EME2: variants seen among roughly 807,000 people sequenced by gnomAD.
EME2 encodes the protein structure-specific endonuclease subunit EME2.
In EME2, 58 loss-of-function variants were observed where a neutral mutation model predicts 41.9. That is an observed-to-expected ratio of 1.38 (90% CI 1.12 to 1.72). The LOEUF (loss-of-function observed/expected upper bound fraction) is 1.72. Among genes scored for constraint, EME2 ranks in the 40% most tolerant of loss-of-function variants. The probability of loss-of-function intolerance (pLI) is 0.00; values close to 1 mark genes in which losing one functional copy is unlikely to be tolerated. For missense variants in EME2, 695 were observed against 541.9 expected (o/e 1.28, Z -2.81); for synonymous variants, 334 against 239.3 (o/e 1.40, Z -3.65).
Position 1,779,026 on chromosome 16 carries a change from G to C in EME2, c.*2788G>C, listed in dbSNP as rs1019311677. On this transcript the variant is annotated 3_prime_UTR_variant, in exon 8 of 8. Transcript: ENST00000568449. ...GCTGCAGCCACCCGGCCTCAGGGCA[G>C]TCCCCACCACACTGTGGCCCAACGA... 5.7e-6 allele frequency: 1 copy of C among 176,748 alleles called. No individual in the cohort carries two copies. The highest frequency in any genetic ancestry group is 1.6e-4 in the East Asian group (1 of 6,150). The allele number at this position is 176,748 out of a possible 1,614,324, so 10.9% of individuals were successfully genotyped here. A position where few individuals can be genotyped will look rare whatever the true frequency, so the allele number is the denominator to read the frequency against.
intron 3 of EME2, 182 bp from the exon 4 acceptor site, chr16:1,774,859 C>T (rs1423969818): frequency 3.0e-6 from 2 of 664,918 alleles, no homozygotes; most frequent in Admixed American, 2.4e-5. Flanking sequence ...TCCTTAGCCT[C>T]TTTGGCCTCG....
At chr16:1,774,729 G>A (rs147109382) in intron 3 of EME2, among the ~76,000 whole-genome samples, 2 of 152,356 alleles carry the variant, frequency 1.3e-5, no homozygotes, top group Non-Finnish European at 2.9e-5. Context: ...CTGTGTCCCA[G>A]GATCAGTGTC....
rs761584229 is a variant in EME2, at chr16:1,777,108, G to A, written c.*870G>A. 1.5e-5 allele frequency: 24 copies of A among 1,611,166 alleles called. No individual in the cohort carries two copies. The highest frequency in any genetic ancestry group is 2.2e-5 in the East Asian group (1 of 44,868). ...CACTGGGAAGTCAGTCAGGTCCGGC[G>A]GCAGCGCTTCCTCTGGCAGGGCCGA... On this transcript the variant is annotated 3_prime_UTR_variant, in exon 8 of 8. Transcript: ENST00000568449.
rs534005461 is a variant in EME2 at position 1,776,103 on chromosome 16, G to A, written c.1005G>A (p.Met335Ile). ...LEACSTERER[M>I]GLLADLPVPP... is the part of the protein sequence containing the mutation. The stretch of plus-strand genomic sequence containing the variant: ...CCTGCAGCACGGAGCGGGAGCGCAT[G>A]GGCCTCCTGGCCGACCTTCCTGTGC... Residue 335 changes from methionine to isoleucine, a missense_variant, in exon 8 of 8, where the codon ATG (methionine) becomes ATA (isoleucine). By Grantham distance (10) the Met-to-Ile change is conservative (BLOSUM62 1). Coordinates refer to ENST00000568449, the MANE Select transcript of EME2 (RefSeq NM_001257370.2). 6.2e-7 allele frequency: 1 copy of A among 1,611,274 alleles called. No homozygotes were observed. The highest frequency in any genetic ancestry group is 1.7e-5 in the Admixed American group (1 of 59,980).
Position 1,781,641 on chromosome 16 carries a change from C to A in EME2, c.*5403C>A. The A allele has an allele frequency of 1.3e-6, 1 of 782,854 alleles. No homozygotes were observed. Among genetic ancestry groups the A allele is most frequent in the South Asian group, 1.8e-5 (1 of 54,096 alleles). The allele number at this position is 782,854 out of a possible 1,614,324, so 48.5% of individuals were successfully genotyped here. On this transcript the variant is annotated 3_prime_UTR_variant, in exon 8 of 8. Coordinates refer to ENST00000568449, the MANE Select transcript of EME2 (RefSeq NM_001257370.2). ...CAGGGCTCCAGAACGCTTCAGGAGC[C>A]CGTACCTCACTCCAGGATCTGAGCA...
At position 1,775,622 on chromosome 16, in the gene EME2, T is replaced by C. The variant is rs544726722; in HGVS notation, c.717T>C (p.Ser239=). 3.0e-5 allele frequency: 49 copies of C among 1,612,938 alleles called. No homozygotes were observed. The South Asian group carries it at 5.1e-4, about 17-fold the overall frequency. ...WANLDVLLVA[S]WQELSRHVCA... The stretch of plus-strand genomic sequence containing the variant: ...ACCTGGACGTGCTACTGGTGGCCTC[T>C]TGGCAGGAGCTGAGTCGGCACGTGT... Residue 239 remains serine, a synonymous_variant, in exon 6 of 8, where the codon TCT becomes TCC. Coordinates refer to ENST00000568449, the MANE Select transcript of EME2 (RefSeq NM_001257370.2).
At position 1,781,140 on chromosome 16, in the gene EME2, G is replaced by A. The variant is rs571262781; in HGVS notation, c.*4902G>A. 80 of 1,508,002 alleles carry A rather than the reference G, an allele frequency of 5.3e-5. No homozygotes were observed. The highest frequency in any genetic ancestry group is 6.4e-5 in the Non-Finnish European group (72 of 1,127,630). 93.4% of individuals were successfully genotyped at this position (1,508,002 alleles called of 1,614,324 possible). On this transcript the variant is annotated 3_prime_UTR_variant, in exon 8 of 8. Coordinates refer to ENST00000568449, the MANE Select transcript of EME2 (RefSeq NM_001257370.2). ...AGTGAAGAATGCAGTGTGTTCTGAG[G>A]TCCTGTCACCCCTGAGGCTGTGTGT...
In EME2 at chr16:1,781,236, C is replaced by T. The variant is rs1235718153; in HGVS notation, c.*4998C>T. ...GAGACAGGCCCAGGTTTGGACTGGT[C>T]CTCTAGCCTCAGAAGCATCTTTTTC... is the stretch of plus-strand genomic sequence containing the variant. On this transcript the variant is annotated 3_prime_UTR_variant, in exon 8 of 8. Transcript: ENST00000568449. The T allele has an allele frequency of 2.5e-6, 4 of 1,593,668 alleles. No homozygotes were observed. The highest frequency in any genetic ancestry group is 1.7e-6 in the Non-Finnish European group (2 of 1,175,350).
chr16:1,774,984 C>T, intron 3 of EME2, 57 bp from the exon 4 acceptor site: 2 of 1,392,954 alleles, frequency 1.4e-6, no homozygotes, highest in Non-Finnish European at 1.0e-6. Flanking sequence ...CCTGGTGGCC[C>T]ATGGCCATAG....
chr16:1,774,948 C>T lies in EME2; in HGVS notation c.478-93C>T. Reference sequence around the variant, plus strand: ...TCGGCACCACTGGCTCTTTTTCAGGCTTGCTGTTCTGCAAACCAGCTGTGG... The same window carrying T: ...TCGGCACCACTGGCTCTTTTTCAGGTTTGCTGTTCTGCAAACCAGCTGTGG... On this transcript the variant is annotated intron_variant, in intron 3 of 7. Transcript: ENST00000568449. 4 of 985,604 alleles carry T rather than the reference C, an allele frequency of 4.1e-6. No individual in the cohort carries two copies. The South Asian group carries it at 4.3e-5, about 11-fold the overall frequency. 61.1% of individuals were successfully genotyped at this position (985,604 alleles called of 1,614,324 possible).
rs972848496 is a variant in EME2, at chr16:1,775,508, C to T, written c.664-61C>T. On this transcript the variant is annotated intron_variant, in intron 5 of 7. Coordinates refer to ENST00000568449, the MANE Select transcript of EME2 (RefSeq NM_001257370.2). ...CCAGCGTGGTACATGGGGCAGCTATCAGCTGTGTGTCCCGGGTAGCCTTCC... is the reference window on the plus strand; with the variant it reads ...CCAGCGTGGTACATGGGGCAGCTATTAGCTGTGTGTCCCGGGTAGCCTTCC... The T allele has an allele frequency of 5.0e-6, 8 of 1,597,662 alleles. No individual in the cohort carries two copies. The African/African-American group carries it at 6.7e-5, about 13-fold the overall frequency.
In EME2 at chr16:1,776,306, AG is replaced by A; in HGVS notation, c.*70del. 6.6e-7 allele frequency: 1 copy of A among 1,516,102 alleles called. No homozygotes were observed. The highest frequency in any genetic ancestry group is 9.0e-7 in the Non-Finnish European group (1 of 1,106,302). 93.9% of individuals were successfully genotyped at this position (1,516,102 alleles called of 1,614,324 possible). ...GACCAGACACCCTGGGCGGTGGGGG[AG>A]GACCCCCAGCCACATGTGGACCCTC... On this transcript the variant is annotated 3_prime_UTR_variant, in exon 8 of 8. Transcript: ENST00000568449.
In EME2 at chr16:1,774,271, A is replaced by G; in HGVS notation, c.396A>G (p.Glu132=). ...PDPCPRSLPP[E]VWAAGEQELL... is the part of the protein sequence containing the mutation. ...CCATGTCCCCACAGCTGCCTCCTGA[A>G]GTGTGGGCTGCAGGTGAACAGGAAT... The change falls in exon 3 of 8, where the codon GAA becomes GAG. Residue 132 remains glutamate (E), a synonymous_variant. Transcript: ENST00000568449. 1 of 1,612,716 alleles carries G rather than the reference A, an allele frequency of 6.2e-7. No homozygotes were observed. Among genetic ancestry groups the G allele is most frequent in the Non-Finnish European group, 8.5e-7 (1 of 1,179,906 alleles).
At position 1,778,053 on chromosome 16, in the gene EME2, G is replaced by A. The variant is rs1034397331; in HGVS notation, c.*1815G>A. The A allele has an allele frequency of 3.1e-6, 5 of 1,613,066 alleles. No individual in the cohort carries two copies. In the African/African-American group the frequency reaches 5.3e-5, roughly 17 times the overall value. ...CGACGTCCCGATGCCCACCATCTAG[G>A]AACAGGGGCCAGGCAGAGGGCGCGG... On this transcript the variant is annotated 3_prime_UTR_variant, in exon 8 of 8. Transcript: ENST00000568449.
intron 3 of EME2, among the ~76,000 whole-genome samples, chr16:1,774,592 G>A (rs541062006): frequency 2.0e-5 from 3 of 152,362 alleles, no homozygotes; most frequent in Admixed American, 6.5e-5. Context: ...GGAGGCCGGG[G>A]TCCGGGCAGT....
rs1299526162 is a variant in EME2, at chr16:1,779,834, C to T, written c.*3596C>T. 2.6e-5 allele frequency: 4 copies of T among 152,262 alleles called. No individual in the cohort carries two copies. Among genetic ancestry groups the T allele is most frequent in the Non-Finnish European group, 4.4e-5 (3 of 68,054 alleles). The allele number at this position is 152,262 out of a possible 1,614,324, so 9.4% of individuals were successfully genotyped here. On this transcript the variant is annotated 3_prime_UTR_variant, in exon 8 of 8. Coordinates refer to ENST00000568449, the MANE Select transcript of EME2 (RefSeq NM_001257370.2). ...ACGCCTGCATCCCACAGCCACGAGCCTGTGAGGCTCAGGCATGTGACCTGC... is the reference window on the plus strand; with the variant it reads ...ACGCCTGCATCCCACAGCCACGAGCTTGTGAGGCTCAGGCATGTGACCTGC...
chr16:1,781,060 A>C lies in EME2; in HGVS notation c.*4822A>C. 1.0e-6 allele frequency: 1 copy of C among 983,378 alleles called. No individual in the cohort carries two copies. 60.9% of individuals were successfully genotyped at this position (983,378 alleles called of 1,614,324 possible). The stretch of plus-strand genomic sequence containing the variant: ...GTAGTGGAGAATTTCTGTTGAATGA[A>C]CCAAAAGCAACTGCCAACCTCTCCA... On this transcript the variant is annotated 3_prime_UTR_variant, in exon 8 of 8. Coordinates refer to ENST00000568449, the MANE Select transcript of EME2 (RefSeq NM_001257370.2).
At position 1,773,222 on chromosome 16, in the gene EME2, C is replaced by T; in HGVS notation, c.-6C>T. 4.8e-6 allele frequency: 7 copies of T among 1,444,250 alleles called. No homozygotes were observed. The highest frequency in any genetic ancestry group is 3.7e-4 in the Middle Eastern group (2 of 5,350). The allele number at this position is 1,444,250 out of a possible 1,614,324, so 89.5% of individuals were successfully genotyped here. A position where few individuals can be genotyped will look rare whatever the true frequency, so the allele number is the denominator to read the frequency against. ...GGCCGGAAGCGAGGAAGAGGTCGGTCCGGCCATGGCGCGGGTTGGACCCGG... is the reference window on the plus strand; with the variant it reads ...GGCCGGAAGCGAGGAAGAGGTCGGTTCGGCCATGGCGCGGGTTGGACCCGG... On this transcript the variant is annotated 5_prime_UTR_variant, in exon 1 of 8. Coordinates refer to ENST00000568449, the MANE Select transcript of EME2 (RefSeq NM_001257370.2).
rs1348178974 is a variant in EME2, at chr16:1,778,448, T to C, written c.*2210T>C. On this transcript the variant is annotated 3_prime_UTR_variant, in exon 8 of 8. Coordinates refer to ENST00000568449, the MANE Select transcript of EME2 (RefSeq NM_001257370.2). ...CCCCACGCTCACACTCGTCTTCCTC[T>C]CCGCAGCGGCAGTCCCTGCCCCGGT... 1.1e-5 allele frequency: 17 copies of C among 1,609,834 alleles called. No individual in the cohort carries two copies. Among genetic ancestry groups the C allele is most frequent in the Non-Finnish European group, 1.4e-5 (16 of 1,178,362 alleles).
Sources: gnomAD v4.1 joint callset for allele counts (sites outside exome capture counted in the v4.1 genomes callset) on GRCh38, gnomAD v4.1.1 for gene constraint, MANE v1.5 for transcripts, NCBI Gene and HGNC (gene_info 2026-07-23, HGNC 2026-07-21) for gene names.